Variants in CCDC144A observed in about 807,000 individuals in gnomAD.
CCDC144A encodes the protein coiled-coil domain-containing protein 144A.
CCDC144A carries 41 observed loss-of-function variants against 143.8 expected under a neutral mutation model. That is an observed-to-expected ratio of 0.29 (90% CI 0.22 to 0.37). The LOEUF (loss-of-function observed/expected upper bound fraction) is 0.37, where lower values mean the gene tolerates loss of function less well. Among genes scored for constraint, CCDC144A ranks in the 10% least tolerant of loss-of-function variants. The pLI is 1.00. For synonymous variants in CCDC144A, 242 were observed against 517.9 expected (o/e 0.47, Z 7.23); for missense variants, 637 against 1,488.8 (o/e 0.43, Z 9.41).
At chr17:16,717,864 A>G (rs1912865932) in intron 6 of CCDC144A, among the ~76,000 whole-genome samples, 1 of 152,218 alleles carries the variant, frequency 6.6e-6, no homozygotes, top group Non-Finnish European at 1.5e-5. Context: ...GTTCTGCGTT[A>G]CATATGAAGG....
chr17:16,693,726 A>T lies in CCDC144A; in HGVS notation c.415+677A>T, dbSNP rs1168273083. On this transcript the variant is annotated intron_variant, in intron 2 of 16. Transcript: ENST00000399273. ...TTCTATTTAATTTTTAAAATAAATGACTTATGTTTAGTAAATGAATATCAA... is the reference window on the plus strand; with the variant it reads ...TTCTATTTAATTTTTAAAATAAATGTCTTATGTTTAGTAAATGAATATCAA... 5.3e-5 allele frequency among the ~76,000 whole-genome samples: 8 copies of T among 152,008 alleles called. No individual in the cohort carries two copies. In the East Asian group the frequency reaches 1.4e-3, roughly 26 times the overall value.
chr17:16,761,260 G>A (rs1915348646), intron 12 of CCDC144A, among the ~76,000 whole-genome samples, 165 bp from the exon 13 acceptor site: 1 of 151,968 alleles, frequency 6.6e-6, no homozygotes, highest in Non-Finnish European at 1.5e-5. Context: ...CCTGAACCCG[G>A]GAGGCAGAGC....
the CCDC144A span, among the ~76,000 whole-genome samples, chr17:16,668,887 C>T: frequency 6.6e-6 from 1 of 152,150 alleles, no homozygotes; most frequent in Non-Finnish European, 1.5e-5. Flanking sequence ...AAGGACCCCA[C>T]TCTCATGACC....
At chr17:16,722,717 T>C (rs1021082000) in intron 8 of CCDC144A, among the ~76,000 whole-genome samples, 4 of 152,192 alleles carry the variant, frequency 2.6e-5, no homozygotes, top group African/African-American at 9.7e-5. Flanking sequence ...ACCACTGACT[T>C]TTTTTACTGT....
At chr17:16,758,428 G>A (rs1299336431) in intron 12 of CCDC144A, among the ~76,000 whole-genome samples, 2 of 152,328 alleles carry the variant, frequency 1.3e-5, no homozygotes, top group South Asian at 2.1e-4. Flanking sequence ...ATAACCCCTT[G>A]AGTGCATTTC....
At chr17:16,737,321 T>C (rs1383972820) in intron 12 of CCDC144A, among the ~76,000 whole-genome samples, 1 of 150,950 alleles carries the variant, frequency 6.6e-6, no homozygotes, top group East Asian at 1.9e-4. Context: ...CGCCCGCCAC[T>C]ACGCCCGGCT....
chr17:16,745,269 A>G (rs1914443107), intron 12 of CCDC144A, among the ~76,000 whole-genome samples: 1 of 150,822 alleles, frequency 6.6e-6, no homozygotes, highest in African/African-American at 2.5e-5. Flanking sequence ...ATGAAACCCA[A>G]AGTGGATGTC....
chr17:16,702,702 A>G (rs1486229976), intron 2 of CCDC144A, among the ~76,000 whole-genome samples: 1 of 152,186 alleles, frequency 6.6e-6, no homozygotes, highest in Non-Finnish European at 1.5e-5. Flanking sequence ...GGAAGAGGAT[A>G]AGAGTAAAAG....
At chr17:16,704,728 T>G (rs942126450) in intron 2 of CCDC144A, among the ~76,000 whole-genome samples, 29 of 152,126 alleles carry the variant, frequency 1.9e-4, no homozygotes, top group Admixed American at 4.6e-4. Context: ...ATAATTAAAA[T>G]AGTTTTAAAA....
chr17:16,687,288 A>G (rs890181749), upstream of CCDC144A, among the ~76,000 whole-genome samples: 5 of 152,144 alleles, frequency 3.3e-5, no homozygotes, highest in African/African-American at 1.2e-4. Context: ...CAAGGTGAGA[A>G]GTCGCTGTTC....
At chr17:16,743,458 T>C (rs1285037634) in intron 12 of CCDC144A, among the ~76,000 whole-genome samples, 2 of 152,174 alleles carry the variant, frequency 1.3e-5, no homozygotes, top group African/African-American at 2.4e-5. Context: ...TTTCTATTTT[T>C]ATACCAAGAC....
intron 12 of CCDC144A, among the ~76,000 whole-genome samples, chr17:16,751,253 A>G (rs1415889893): frequency 6.6e-6 from 1 of 151,346 alleles, no homozygotes; most frequent in African/African-American, 2.4e-5. Flanking sequence ...TGTATTGTGT[A>G]TAGTTGATTG....
At position 16,709,398 on chromosome 17, in the gene CCDC144A, T is replaced by C. The variant is rs1006027113; in HGVS notation, c.1341T>C (p.Asp447=). Residue 447 remains aspartate (D), a synonymous_variant, in exon 5 of 17, where the codon GAT becomes GAC. Coordinates refer to ENST00000399273, the MANE Select transcript of CCDC144A (RefSeq NM_001382000.1). ...MVEMKEDQEF[D]LQMTKNMNQN... Reference sequence around the variant, plus strand: ...AAATGAAAGAAGACCAAGAGTTTGATTTGCAAATGACAAAAAATATGAACC... The same window carrying C: ...AAATGAAAGAAGACCAAGAGTTTGACTTGCAAATGACAAAAAATATGAACC... The C allele has an allele frequency of 3.1e-6, 5 of 1,611,504 alleles. No homozygotes were observed. In the African/African-American group the frequency reaches 4.0e-5, roughly 13 times the overall value.
chr17:16,737,702 A>G (rs1275339388), intron 12 of CCDC144A: 3 of 1,156,150 alleles, frequency 2.6e-6, no homozygotes, highest in African/African-American at 1.6e-5. Flanking sequence ...ACATGTCAAC[A>G]GTTAATCTAT....
Position 16,774,730 on chromosome 17 carries a change from G to GTGCA in CCDC144A, c.*1098_*1101dup. On this transcript the variant is annotated 3_prime_UTR_variant, in exon 17 of 17. Coordinates refer to ENST00000399273, the MANE Select transcript of CCDC144A (RefSeq NM_001382000.1). ...AAGTTCAGGGGTACATGTGCAGGATGTGCAGGATGTCCAGGTTTGTTACAT... is the reference window on the plus strand; with the variant it reads ...AAGTTCAGGGGTACATGTGCAGGATGTGCATGCAGGATGTCCAGGTTTGTTACAT... 1 of 147,826 alleles carries GTGCA rather than the reference G, an allele frequency of 6.8e-6. No individual in the cohort carries two copies. 9.2% of individuals were successfully genotyped at this position (147,826 alleles called of 1,614,324 possible).
chr17:16,733,890 C>A (rs1913870834), intron 11 of CCDC144A, among the ~76,000 whole-genome samples: 1 of 152,186 alleles, frequency 6.6e-6, no homozygotes, highest in South Asian at 2.1e-4. Flanking sequence ...GTAATCCCAA[C>A]ACTTTGGGAG....
chr17:16,715,311 A>T (rs1187751324), intron 6 of CCDC144A, among the ~76,000 whole-genome samples: 1 of 134,808 alleles, frequency 7.4e-6, no homozygotes, highest in East Asian at 2.1e-4. Context: ...ATTCTCAGGT[A>T]AAAAAAAAAA....
At position 16,746,780 on chromosome 17, in the gene CCDC144A, G is replaced by T. The variant is rs553280762; in HGVS notation, c.3372+11137G>T. On this transcript the variant is annotated intron_variant, in intron 12 of 16. Transcript: ENST00000399273. ...GACCACCTGCGGGGAGCGCGCGGCCGTTCCCACCGGGGCGGAGCGTGGACA... is the reference window on the plus strand; with the variant it reads ...GACCACCTGCGGGGAGCGCGCGGCCTTTCCCACCGGGGCGGAGCGTGGACA... 14 of 1,573,066 alleles carry T rather than the reference G, an allele frequency of 8.9e-6. No individual in the cohort carries two copies. In the Admixed American group the frequency reaches 2.3e-4, roughly 26 times the overall value.
At chr17:16,702,052 T>G (rs796845057) in intron 2 of CCDC144A, among the ~76,000 whole-genome samples, 5 of 151,638 alleles carry the variant, frequency 3.3e-5, no homozygotes, top group African/African-American at 4.8e-5. Context: ...TATATTATTA[T>G]AATATGGCTC....
Sources: gnomAD v4.1 joint callset for allele counts (sites outside exome capture counted in the v4.1 genomes callset) on GRCh38, gnomAD v4.1.1 for gene constraint, MANE v1.5 for transcripts, NCBI Gene and HGNC (gene_info 2026-07-23, HGNC 2026-07-21) for gene names.